Variants in ESRRB observed in about 807,000 individuals in gnomAD.
The protein encoded by ESRRB is steroid hormone receptor ERR2.
Under a neutral mutation model 46.0 loss-of-function variants are expected in ESRRB, and 16 were observed. The observed-to-expected ratio is 0.35, with a 90% CI of 0.24 to 0.53. The LOEUF is 0.53. Among genes scored for constraint, ESRRB ranks in the 20% least tolerant of loss-of-function variants. The pLI is 0.93. For synonymous variants in ESRRB, 246 were observed against 259.6 expected (o/e 0.95, Z 0.50); for missense variants, 488 against 607.4 (o/e 0.80, Z 2.07).
chr14:76,420,261 G>C (rs1411252013), intron 1 of ESRRB, among the ~76,000 whole-genome samples: 1 of 151,808 alleles, frequency 6.6e-6, no homozygotes, highest in Non-Finnish European at 1.5e-5. Context: ...GTATCTTCAG[G>C]CCCCCCCAGC....
chr14:76,424,445 A>T (rs1423123482), intron 1 of ESRRB, among the ~76,000 whole-genome samples: 1 of 151,982 alleles, frequency 6.6e-6, no homozygotes, highest in Non-Finnish European at 1.5e-5. Context: ...GCACAAGGCT[A>T]TGTAGAAAGG....
rs1890526162 is a variant in ESRRB, at chr14:76,498,537, C to A, written c.*79C>A. 1.2e-6 allele frequency: 2 copies of A among 1,609,920 alleles called. No homozygotes were observed. Among genetic ancestry groups the A allele is most frequent in the Non-Finnish European group, 1.7e-6 (2 of 1,178,788 alleles). Reference sequence around the variant, plus strand: ...AGGTGGAGACCTCCACAGCCACCAGCCTCCACCTTCAACCCCTGTATCATG... The same window carrying A: ...AGGTGGAGACCTCCACAGCCACCAGACTCCACCTTCAACCCCTGTATCATG... On this transcript the variant is annotated 3_prime_UTR_variant, in exon 7 of 7. Coordinates refer to ENST00000644823, the MANE Select transcript of ESRRB (RefSeq NM_001379180.1).
intron 2 of ESRRB, among the ~76,000 whole-genome samples, chr14:76,459,489 T>C (rs867250361): frequency 7.0e-6 from 1 of 141,920 alleles, no homozygotes. Flanking sequence ...TAGGAGACCA[T>C]GGAGTTCCAG....
chr14:76,386,642 A>G (rs1201095858), intron 1 of ESRRB, among the ~76,000 whole-genome samples: 1 of 151,796 alleles, frequency 6.6e-6, no homozygotes, highest in Admixed American at 6.6e-5. Flanking sequence ...TTGTATTTTT[A>G]GTAGAGACGG....
intron 3 of ESRRB, among the ~76,000 whole-genome samples, chr14:76,479,727 C>G (rs66884807): frequency 0.21 from 32,017 of 152,026 alleles, 3,827 homozygotes; most frequent in East Asian, 0.56. Context: ...TTTGATGGTG[C>G]ACTTGGCTGA....
intron 1 of ESRRB, among the ~76,000 whole-genome samples, chr14:76,418,244 T>C (rs941860369): frequency 2.6e-5 from 4 of 152,154 alleles, no homozygotes; most frequent in African/African-American, 4.8e-5. Flanking sequence ...CGTGAGCCAC[T>C]GCGCCTGACC....
chr14:76,389,996 G>A (rs552301336), intron 1 of ESRRB, among the ~76,000 whole-genome samples: 1 of 152,268 alleles, frequency 6.6e-6, no homozygotes, highest in South Asian at 2.1e-4. Flanking sequence ...GCCATGATGG[G>A]AGTATTTACA....
At chr14:76,423,142 C>CTTT (rs397853103) in intron 1 of ESRRB, among the ~76,000 whole-genome samples, 33 of 112,808 alleles carry the variant, frequency 2.9e-4, no homozygotes, top group African/African-American at 6.2e-4. Flanking sequence ...CTTTCATAAC[C>CTTT]TTTTTTTTTT....
chr14:76,440,686 T>C (rs1271505337), intron 2 of ESRRB, among the ~76,000 whole-genome samples: 2 of 151,782 alleles, frequency 1.3e-5, no homozygotes, highest in Non-Finnish European at 2.9e-5. Context: ...CCTTCCTTTC[T>C]CTCTCTCACT....
At chr14:76,441,767 G>A (rs984701367) in intron 2 of ESRRB, among the ~76,000 whole-genome samples, 5 of 152,218 alleles carry the variant, frequency 3.3e-5, no homozygotes, top group Admixed American at 6.5e-5. Flanking sequence ...AGGTCACTGC[G>A]ATGAGCTGGT....
intron 1 of ESRRB, among the ~76,000 whole-genome samples, chr14:76,384,978 T>C (rs1002151023): frequency 3.9e-5 from 6 of 152,318 alleles, no homozygotes; most frequent in South Asian, 2.1e-4. Flanking sequence ...TGATGCTTCA[T>C]GGCGACTCCC....
In ESRRB at chr14:76,384,982, G is replaced by A. The variant is rs556077518; in HGVS notation, c.50+8531G>A. On this transcript the variant is annotated intron_variant, in intron 1 of 6. Transcript: ENST00000644823. ...GTCCCTTCTTGTGATGCTTCATGGC[G>A]ACTCCCAGACCTGAAGCCTGCTCAC... Among the ~76,000 whole-genome samples, 20 of 152,190 alleles carry A rather than the reference G, an allele frequency of 1.3e-4. No individual in the cohort carries two copies. The East Asian group carries it at 3.9e-3, about 29-fold the overall frequency.
chr14:76,456,326 A>G (rs928540168), intron 2 of ESRRB, among the ~76,000 whole-genome samples: 7 of 152,200 alleles, frequency 4.6e-5, no homozygotes, highest in African/African-American at 1.7e-4. Context: ...ACGCATAGAC[A>G]GGTGTGCTCC....
chr14:76,370,234 A>T (rs560709811), upstream of ESRRB, among the ~76,000 whole-genome samples: 1 of 151,722 alleles, frequency 6.6e-6, no homozygotes, highest in African/African-American at 2.4e-5. Flanking sequence ...CTAAAAAAAA[A>T]AAAAAACACA....
chr14:76,439,867 C>A, intron 2 of ESRRB, 117 bp downstream of exon 2: 1 of 1,158,284 alleles, frequency 8.6e-7, no homozygotes, highest in Non-Finnish European at 1.2e-6. Flanking sequence ...GCTGTTGGAG[C>A]GGTACTTCTG....
intron 1 of ESRRB, among the ~76,000 whole-genome samples, chr14:76,366,145 T>A (rs904617982): frequency 6.6e-6 from 1 of 152,170 alleles, no homozygotes; most frequent in East Asian, 1.9e-4. Context: ...CCTTTGACAG[T>A]GATTGGTTTG....
intron 3 of ESRRB, among the ~76,000 whole-genome samples, chr14:76,474,341 T>G (rs923697554): frequency 3.9e-5 from 6 of 152,258 alleles, no homozygotes; most frequent in African/African-American, 1.4e-4. Context: ...TTTTATGTTG[T>G]TAATTCCACT....
intron 1 of ESRRB, among the ~76,000 whole-genome samples, chr14:76,315,314 C>G (rs80347945): frequency 2.6e-5 from 4 of 152,014 alleles, no homozygotes; most frequent in East Asian, 1.9e-4. Flanking sequence ...GGAGCTCCAC[C>G]GAGGAGAGTC....
intron 1 of ESRRB, among the ~76,000 whole-genome samples, chr14:76,425,379 A>G (rs1036095094): frequency 1.3e-5 from 2 of 152,166 alleles, no homozygotes; most frequent in African/African-American, 4.8e-5. Flanking sequence ...GGGTCTTTAT[A>G]AGGCAGGTAG....
Sources: gnomAD v4.1 joint callset for allele counts (sites outside exome capture counted in the v4.1 genomes callset) on GRCh38, gnomAD v4.1.1 for gene constraint, MANE v1.5 for transcripts, NCBI Gene and HGNC (gene_info 2026-07-23, HGNC 2026-07-21) for gene names.